OTC: variants seen among roughly 807,000 people sequenced by gnomAD.
The protein encoded by OTC is ornithine transcarbamylase.
A neutral mutation model predicts 30.3 loss-of-function variants in OTC; 3 were observed. The observed-to-expected ratio is 0.10, with a 90% CI of 0.05 to 0.26. The LOEUF is 0.26. Among genes scored for constraint, OTC ranks in the 10% least tolerant of loss-of-function variants. The pLI, the probability that OTC is intolerant of heterozygous loss-of-function variation, is 1.00. For synonymous variants in OTC, 111 were observed against 99.7 expected, an observed-to-expected ratio of 1.11 and a Z score of -0.67; for missense variants, 194 against 260.3, an observed-to-expected ratio of 0.75 and a Z score of 1.75.
chrX:38,415,456 G>A (rs946726786), intron 9 of OTC, among the ~76,000 whole-genome samples: 3 of 111,484 alleles, frequency 2.7e-5, no homozygotes, highest in African/African-American at 9.8e-5. Flanking sequence ...TTTCTAAGAT[G>A]TTCTAATACT....
chrX:38,353,311 A>G (rs1055231652), intron 1 of OTC, among the ~76,000 whole-genome samples: 7 of 111,859 alleles, frequency 6.3e-5, no homozygotes, highest in African/African-American at 9.8e-5. Context: ...GCTGTCTCCA[A>G]TGAATTCATT....
intron 4 of OTC, among the ~76,000 whole-genome samples, chrX:38,398,212 GC>G (rs769654482): frequency 3.4e-4 from 38 of 111,739 alleles, no homozygotes; most frequent in African/African-American, 1.2e-3. Context: ...CAATTGTTCT[GC>G]TAGCATTTCT....
chrX:38,388,649 A>C (rs2068416290), intron 4 of OTC, among the ~76,000 whole-genome samples: 1 of 111,801 alleles, frequency 8.9e-6, no homozygotes, highest in Non-Finnish European at 1.9e-5. Context: ...CGTACTACTG[A>C]AAAGTGCATA....
intron 3 of OTC, among the ~76,000 whole-genome samples, chrX:38,377,338 T>A (rs911700510): frequency 1.8e-5 from 2 of 111,264 alleles, no homozygotes; most frequent in African/African-American, 6.5e-5. Context: ...GACATGTACA[T>A]CAATAAATGC....
chrX:38,421,998 C>A (rs1427472048), downstream of OTC, among the ~76,000 whole-genome samples: 1 of 111,626 alleles, frequency 9.0e-6, no homozygotes, highest in Non-Finnish European at 1.9e-5. Flanking sequence ...AACTAGATTT[C>A]TCTTGCGGGT....
chrX:38,349,393 G>A (rs951996782), upstream of OTC, among the ~76,000 whole-genome samples: 1 of 112,689 alleles, frequency 8.9e-6, no homozygotes, highest in Non-Finnish European at 1.9e-5. Context: ...ATGGTAGTAA[G>A]AGGTGGGACT....
the OTC span, among the ~76,000 whole-genome samples, chrX:38,329,659 A>T: frequency 4.5e-5 from 5 of 111,620 alleles, no homozygotes; most frequent in African/African-American, 1.6e-4. Flanking sequence ...AGACATTTGC[A>T]TGGGAGTGTA....
chrX:38,404,015 G>A (rs1009202360), intron 6 of OTC, among the ~76,000 whole-genome samples: 4 of 112,321 alleles, frequency 3.6e-5, no homozygotes, highest in African/African-American at 1.3e-4. Flanking sequence ...ATACCCTGCT[G>A]TAGGCCATTA....
chrX:38,354,792 G>A (rs2068232394), intron 1 of OTC, among the ~76,000 whole-genome samples: 1 of 111,590 alleles, frequency 9.0e-6, no homozygotes, highest in African/African-American at 3.3e-5. Context: ...ATTCTCACGT[G>A]GCATAGGTAT....
At chrX:38,365,113 C>T (rs779056222) in intron 1 of OTC, among the ~76,000 whole-genome samples, 1 of 112,887 alleles carries the variant, frequency 8.9e-6, no homozygotes, top group South Asian at 3.6e-4. Flanking sequence ...ATGATTAACT[C>T]TTCATCCCAA....
the OTC span, among the ~76,000 whole-genome samples, chrX:38,335,019 A>G: frequency 2.7e-5 from 3 of 112,021 alleles, no homozygotes; most frequent in Admixed American, 2.8e-4. Flanking sequence ...GAACAGCTTC[A>G]TCCCAAAACC....
At chrX:38,409,050 G>T (rs2068530509) in intron 8 of OTC, 25 bp downstream of exon 8, 2 of 1,199,838 alleles carry the variant, frequency 1.7e-6, no homozygotes, top group East Asian at 3.0e-5. Flanking sequence ...CTCTCTGAAG[G>T]TTCATTAATT....
At chrX:38,359,947 C>T (rs1265695978) in intron 1 of OTC, among the ~76,000 whole-genome samples, 4 of 94,142 alleles carry the variant, frequency 4.2e-5, no homozygotes, top group South Asian at 4.9e-4. Context: ...GGCAGAGTTT[C>T]GCTCTTGTCA....
chrX:38,342,901 G>A, the OTC span, among the ~76,000 whole-genome samples: 5 of 111,955 alleles, frequency 4.5e-5, no homozygotes, highest in Non-Finnish European at 9.4e-5. Context: ...GAAGAAGGCT[G>A]TGTTTAATCA....
intron 4 of OTC, among the ~76,000 whole-genome samples, chrX:38,400,349 G>T (rs763194163): frequency 9.8e-5 from 11 of 111,679 alleles, no homozygotes; most frequent in African/African-American, 3.6e-4. Flanking sequence ...TCTAATCCCT[G>T]GGGCCAAGCA....
intron 9 of OTC, among the ~76,000 whole-genome samples, chrX:38,418,187 G>A (rs187242235): frequency 3.9e-4 from 43 of 111,410 alleles, no homozygotes; most frequent in Admixed American, 3.8e-3. Context: ...CACTCTAATA[G>A]GTGTGTGGTG....
chrX:38,361,670 A>C (rs5963416), intron 1 of OTC, among the ~76,000 whole-genome samples: 1 of 111,008 alleles, frequency 9.0e-6, no homozygotes, highest in African/African-American at 3.3e-5. Flanking sequence ...ATAGGTTCTA[A>C]GATGAGAAAG....
chrX:38,347,010 AAG>A, the OTC span, among the ~76,000 whole-genome samples: 1 of 112,528 alleles, frequency 8.9e-6, no homozygotes, highest in Non-Finnish European at 1.9e-5. Flanking sequence ...GAAAAATTGT[AAG>A]AGAGTATTGA....
intron 3 of OTC, among the ~76,000 whole-genome samples, chrX:38,370,614 A>T (rs780227712): frequency 2.7e-5 from 3 of 111,713 alleles, no homozygotes; most frequent in Non-Finnish European, 5.6e-5. Flanking sequence ...CTGAAGCCTC[A>T]GGAAGTTCAC....
Sources: gnomAD v4.1 joint callset for allele counts (sites outside exome capture counted in the v4.1 genomes callset) on GRCh38, gnomAD v4.1.1 for gene constraint, MANE v1.5 for transcripts, NCBI Gene and HGNC (gene_info 2026-07-23, HGNC 2026-07-21) for gene names.